The following FHIT variants were observed in gnomAD, a reference collection of about 807,000 sequenced individuals.
FHIT encodes the protein bis(5'-adenosyl)-triphosphatase.
A neutral mutation model predicts 17.9 loss-of-function variants in FHIT; 19 were observed. That is an observed-to-expected ratio of 1.06 (90% CI 0.74 to 1.56). FHIT has a LOEUF of 1.56. FHIT is among the 40% of genes most tolerant of loss of function. FHIT has a pLI of 0.00. For synonymous variants in FHIT, 81 were observed against 69.7 expected (o/e 1.16, Z -0.81); for missense variants, 248 against 189.2 (o/e 1.31, Z -1.82).
In FHIT at chr3:60,027,081, AGAGT is replaced by A. The variant is rs576979849; in HGVS notation, c.104-12933_104-12930del. Reference sequence around the variant, plus strand: ...GCCACTGCACTCTAGCCTGGGTGACAGAGTGAGTAAGACTGTTTCACACACAGAC... The same window carrying A: ...GCCACTGCACTCTAGCCTGGGTGACAGAGTAAGACTGTTTCACACACAGAC... On this transcript the variant is annotated intron_variant, in intron 5 of 9. Transcript: ENST00000492590. Among the ~76,000 whole-genome samples, 864 of 150,260 alleles carry A rather than the reference AGAGT, an allele frequency of 5.8e-3. 11 individuals are homozygous for A. Among genetic ancestry groups the A allele is most frequent in the African/African-American group, 0.02 (807 of 40,726 alleles).
At chr3:60,636,771 G>A (rs1210904371) in intron 4 of FHIT, among the ~76,000 whole-genome samples, 1 of 152,114 alleles carries the variant, frequency 6.6e-6, no homozygotes, top group Non-Finnish European at 1.5e-5. Flanking sequence ...CACAGCATGA[G>A]GATACTTTTA....
chr3:60,722,281 C>T (rs2107966101), intron 4 of FHIT, among the ~76,000 whole-genome samples: 1 of 152,342 alleles, frequency 6.6e-6, no homozygotes, highest in Admixed American at 6.5e-5. Flanking sequence ...GCATCCTTTA[C>T]TAGTAGCCCA....
chr3:60,054,498 C>T (rs1175791644), intron 5 of FHIT, among the ~76,000 whole-genome samples: 1 of 152,182 alleles, frequency 6.6e-6, no homozygotes, highest in African/African-American at 2.4e-5. Context: ...CAAGCACACA[C>T]TTGTCAATGA....
At chr3:60,409,480 T>C (rs1463162841) in intron 5 of FHIT, among the ~76,000 whole-genome samples, 1 of 152,224 alleles carries the variant, frequency 6.6e-6, no homozygotes, top group African/African-American at 2.4e-5. Flanking sequence ...TAACTGTGAA[T>C]CTGTAACCTT....
At chr3:60,349,661 G>A (rs995493498) in intron 5 of FHIT, among the ~76,000 whole-genome samples, 6 of 151,996 alleles carry the variant, frequency 3.9e-5, no homozygotes, top group Non-Finnish European at 5.9e-5. Flanking sequence ...TATATATAAG[G>A]ACTTCAGCAA....
intron 5 of FHIT, among the ~76,000 whole-genome samples, chr3:60,466,402 C>A (rs1289124373): frequency 2.0e-5 from 3 of 152,010 alleles, no homozygotes; most frequent in Admixed American, 6.6e-5. Flanking sequence ...GCTATGACTT[C>A]CAGTACTATG....
intron 4 of FHIT, among the ~76,000 whole-genome samples, chr3:60,778,358 G>A (rs1700274840): frequency 6.6e-6 from 1 of 152,136 alleles, no homozygotes; most frequent in Non-Finnish European, 1.5e-5. Flanking sequence ...ACTTTGACAG[G>A]TGCTTTCAAA....
chr3:60,636,838 G>C lies in FHIT; in HGVS notation c.-17-99859C>G, dbSNP rs79142067. Among the ~76,000 whole-genome samples, 137 of 152,280 alleles carry C rather than the reference G, an allele frequency of 9.0e-4. 1 individual carries two copies. The East Asian group carries it at 0.024, about 26-fold the overall frequency. ...TCTTTTATTCAATCATTCACAGAAA[G>C]GGACATCCTGTGACCTCATTTTCAC... On this transcript the variant is annotated intron_variant, in intron 4 of 9. Transcript: ENST00000492590.
chr3:59,805,092 G>A (rs1575524325), intron 8 of FHIT, among the ~76,000 whole-genome samples: 1 of 152,130 alleles, frequency 6.6e-6, no homozygotes, highest in East Asian at 1.9e-4. Flanking sequence ...TGTCTAGCTT[G>A]AAGCAGTGGG....
chr3:60,209,382 T>G (rs1050142561), intron 5 of FHIT, among the ~76,000 whole-genome samples: 6 of 152,176 alleles, frequency 3.9e-5, no homozygotes, highest in Admixed American at 1.3e-4. Context: ...GTTAGAACCC[T>G]GTGACCTTAA....
At chr3:60,978,903 C>A (rs1289481807) in intron 3 of FHIT, among the ~76,000 whole-genome samples, 1 of 152,158 alleles carries the variant, frequency 6.6e-6, no homozygotes, top group Admixed American at 6.5e-5. Flanking sequence ...AGAGTTGTAA[C>A]CACATTAAGC....
intron 8 of FHIT, among the ~76,000 whole-genome samples, chr3:59,811,782 G>A (rs922990115): frequency 7.2e-5 from 11 of 152,162 alleles, no homozygotes; most frequent in East Asian, 3.9e-4. Flanking sequence ...TTTTAATGGC[G>A]CACTTACTGC....
intron 4 of FHIT, among the ~76,000 whole-genome samples, chr3:60,797,224 C>A (rs1553730671): frequency 6.6e-6 from 1 of 152,008 alleles, no homozygotes; most frequent in Non-Finnish European, 1.5e-5. Context: ...GATGTAATTG[C>A]CCTAGGAAAA....
chr3:60,007,736 T>G (rs1259031391), intron 7 of FHIT, among the ~76,000 whole-genome samples: 1 of 152,166 alleles, frequency 6.6e-6, no homozygotes, highest in African/African-American at 2.4e-5. Context: ...GATTGGATGA[T>G]AAAAGAGTAT....
chr3:60,189,398 T>C (rs1027866776), intron 5 of FHIT, among the ~76,000 whole-genome samples: 3 of 152,166 alleles, frequency 2.0e-5, no homozygotes, highest in African/African-American at 7.2e-5. Context: ...ATGTTTTAAT[T>C]TGAGTATCAT....
intron 2 of FHIT, among the ~76,000 whole-genome samples, chr3:61,102,204 T>C (rs780349384): frequency 1.3e-5 from 2 of 152,060 alleles, no homozygotes; most frequent in Non-Finnish European, 2.9e-5. Context: ...TCATAAATAG[T>C]TCTTATTATT....
At chr3:59,909,601 A>AT (rs1205517051) in intron 8 of FHIT, among the ~76,000 whole-genome samples, 7 of 151,408 alleles carry the variant, frequency 4.6e-5, no homozygotes, top group South Asian at 4.2e-4. Flanking sequence ...GAGTATCTTT[A>AT]TTTTTTTTTC....
At chr3:60,104,203 G>C (rs1198957970) in intron 5 of FHIT, among the ~76,000 whole-genome samples, 4 of 152,134 alleles carry the variant, frequency 2.6e-5, no homozygotes, top group African/African-American at 9.7e-5. Context: ...TTTTCCTTTA[G>C]TTGTTACCCC....
chr3:60,713,033 C>T (rs1577103146), intron 4 of FHIT, among the ~76,000 whole-genome samples: 2 of 152,164 alleles, frequency 1.3e-5, no homozygotes, highest in Admixed American at 1.3e-4. Flanking sequence ...GGAAGTAAAG[C>T]TCTCCTCAAC....
Sources: gnomAD v4.1 joint callset for allele counts (sites outside exome capture counted in the v4.1 genomes callset) on GRCh38, gnomAD v4.1.1 for gene constraint, MANE v1.5 for transcripts, NCBI Gene and HGNC (gene_info 2026-07-23, HGNC 2026-07-21) for gene names.